The following PAG1 variants were observed in gnomAD, a reference collection of about 807,000 sequenced individuals.
PAG1 encodes phosphoprotein membrane anchor with glycosphingolipid microdomains 1.
In PAG1, 23 loss-of-function variants were observed where a neutral mutation model predicts 31.7. The observed-to-expected ratio is 0.73, with a 90% confidence interval of 0.52 to 1.03. The LOEUF is 1.03. Ranked by LOEUF, PAG1 falls within the 50% of genes least tolerant of loss-of-function variation. PAG1 has a pLI of 0.00. For missense variants in PAG1, 473 were observed against 540.7 expected, an observed-to-expected ratio of 0.87 and a Z score of 1.24; for synonymous variants, 214 against 210.3, an observed-to-expected ratio of 1.02 and a Z score of -0.15.
At chr8:80,992,643 T>C (rs746768826) in intron 4 of PAG1, among the ~76,000 whole-genome samples, 1 of 152,172 alleles carries the variant, frequency 6.6e-6, no homozygotes, top group Admixed American at 6.5e-5. Context: ...CCTTGGAAAA[T>C]AATCTGTTTC....
intron 8 of PAG1, among the ~76,000 whole-genome samples, chr8:80,977,117 C>A (rs1807202208): frequency 1.3e-5 from 2 of 152,152 alleles, no homozygotes; most frequent in South Asian, 4.1e-4. Flanking sequence ...CAGTCATATT[C>A]CCTTAATTCC....
chr8:81,022,885 T>C (rs1313627620), intron 3 of PAG1, among the ~76,000 whole-genome samples: 4 of 152,156 alleles, frequency 2.6e-5, no homozygotes, highest in Non-Finnish European at 4.4e-5. Flanking sequence ...GACTACCCCA[T>C]TGGCCTTTAA....
At position 81,056,330 on chromosome 8, in the gene PAG1, C is replaced by T. The variant is rs567562574; in HGVS notation, c.-175+13782G>A. Among the ~76,000 whole-genome samples the T allele has an allele frequency of 5.1e-4, 78 of 152,228 alleles. No homozygotes were observed. In the South Asian group the frequency reaches 0.016, roughly 31 times the overall value. On this transcript the variant is annotated intron_variant, in intron 2 of 8. Transcript: ENST00000220597. The stretch of plus-strand genomic sequence containing the variant: ...CCTGACTTCAAACTATACTACGAGG[C>T]TACAGTAACCAAAACAGCATGGTAC...
chr8:81,030,545 T>C (rs1808362161), intron 2 of PAG1, among the ~76,000 whole-genome samples: 1 of 152,216 alleles, frequency 6.6e-6, no homozygotes, highest in African/African-American at 2.4e-5. Flanking sequence ...GTTCTGAAAA[T>C]TTCTTATTAG....
At chr8:81,020,770 A>G (rs1053164094) in intron 3 of PAG1, among the ~76,000 whole-genome samples, 3 of 152,142 alleles carry the variant, frequency 2.0e-5, no homozygotes, top group African/African-American at 4.8e-5. Context: ...ATGATGGGTA[A>G]TCTTATGTTT....
At chr8:81,059,191 C>T (rs956331136) in intron 2 of PAG1, among the ~76,000 whole-genome samples, 20 of 151,958 alleles carry the variant, frequency 1.3e-4, no homozygotes, top group African/African-American at 2.4e-4. Context: ...ATTGTAAATG[C>T]TATGTAAGTA....
chr8:81,076,223 G>A (rs1188238013), intron 1 of PAG1, among the ~76,000 whole-genome samples: 1 of 152,226 alleles, frequency 6.6e-6, no homozygotes, highest in Non-Finnish European at 1.5e-5. Context: ...AATGTGTACA[G>A]AAGAAACAGA....
chr8:80,967,846 AACAAAG>A lies in PAG1; in HGVS notation c.*8692_*8697del, dbSNP rs1806994268. The stretch of plus-strand genomic sequence containing the variant: ...CTGACTTTTATTACAATTAAAAAAG[AACAAAG>A]ACAATTTGATAAGTGCCTTTAATTA... On this transcript the variant is annotated 3_prime_UTR_variant, in exon 9 of 9. Coordinates refer to ENST00000220597, the MANE Select transcript of PAG1 (RefSeq NM_018440.4). 2 of 146,758 alleles carry A rather than the reference AACAAAG, an allele frequency of 1.4e-5. No individual in the cohort carries two copies. The highest frequency in any genetic ancestry group is 1.3e-4 in the Admixed American group (2 of 15,098). 9.1% of individuals were successfully genotyped at this position (146,758 alleles called of 1,614,324 possible). A position where few individuals can be genotyped will look rare whatever the true frequency, so the allele number is the denominator to read the frequency against.
chr8:80,999,297 A>G (rs952505827), intron 3 of PAG1, among the ~76,000 whole-genome samples: 9 of 152,314 alleles, frequency 5.9e-5, no homozygotes, highest in Admixed American at 3.9e-4. Context: ...TTGCCTACAC[A>G]TGATTGTTAT....
intron 2 of PAG1, among the ~76,000 whole-genome samples, chr8:81,053,454 A>C (rs987028431): frequency 6.6e-6 from 1 of 152,254 alleles, no homozygotes; most frequent in African/African-American, 2.4e-5. Context: ...ACAGAGACAG[A>C]CCATAGTTAT....
chr8:81,104,789 T>C (rs942159711), intron 1 of PAG1, among the ~76,000 whole-genome samples: 2 of 152,130 alleles, frequency 1.3e-5, no homozygotes, highest in African/African-American at 4.8e-5. Flanking sequence ...CAAAAGCTTT[T>C]TTTGCACAGC....
At chr8:81,081,092 T>C (rs1288598039) in intron 1 of PAG1, among the ~76,000 whole-genome samples, 1 of 152,156 alleles carries the variant, frequency 6.6e-6, no homozygotes. Context: ...CTCAGTGTTC[T>C]TCTTTACAAT....
chr8:81,031,328 T>C (rs1004774780), intron 2 of PAG1, among the ~76,000 whole-genome samples: 4 of 152,240 alleles, frequency 2.6e-5, no homozygotes, highest in African/African-American at 9.6e-5. Context: ...GTCTTTCTGC[T>C]GTCAATCTCA....
rs1807086823 is a variant in PAG1, at chr8:80,971,965, G to A, written c.*4579C>T. 1 of 152,146 alleles carries A rather than the reference G, an allele frequency of 6.6e-6. No individual in the cohort carries two copies. The highest frequency in any genetic ancestry group is 1.5e-5 in the Non-Finnish European group (1 of 68,034). 9.4% of individuals were successfully genotyped at this position (152,146 alleles called of 1,614,324 possible). On this transcript the variant is annotated 3_prime_UTR_variant, in exon 9 of 9. Coordinates refer to ENST00000220597, the MANE Select transcript of PAG1 (RefSeq NM_018440.4). ...GATCTCTTTAAGTTAAACACTTTCAGTCTAAGTGTGTTCAACTGGCCTAAA... is the reference window on the plus strand; with the variant it reads ...GATCTCTTTAAGTTAAACACTTTCAATCTAAGTGTGTTCAACTGGCCTAAA...
intron 1 of PAG1, among the ~76,000 whole-genome samples, chr8:81,103,725 C>T (rs1388218742): frequency 1.3e-5 from 2 of 152,166 alleles, no homozygotes; most frequent in African/African-American, 4.8e-5. Context: ...GCTCAAAGGT[C>T]CAAACCCTCT....
chr8:81,049,928 T>C (rs1462914802), intron 2 of PAG1, among the ~76,000 whole-genome samples: 1 of 152,136 alleles, frequency 6.6e-6, no homozygotes, highest in African/African-American at 2.4e-5. Flanking sequence ...GTACCTACCA[T>C]ACAACAAACC....
intron 2 of PAG1, among the ~76,000 whole-genome samples, chr8:81,037,930 T>C (rs192724506): frequency 6.6e-6 from 1 of 152,370 alleles, no homozygotes; most frequent in Admixed American, 6.5e-5. Flanking sequence ...TTATAGAGCT[T>C]TGATTGTCTT....
chr8:80,982,006 C>T (rs1184644420), intron 7 of PAG1, among the ~76,000 whole-genome samples: 4 of 151,896 alleles, frequency 2.6e-5, no homozygotes, highest in Middle Eastern at 3.2e-3. Flanking sequence ...GCTGGGACTA[C>T]AGGTGCATAC....
intron 1 of PAG1, among the ~76,000 whole-genome samples, chr8:81,072,636 T>G (rs559511667): frequency 3.3e-4 from 50 of 152,326 alleles, no homozygotes; most frequent in African/African-American, 1.1e-3. Context: ...CCCAGGATTT[T>G]GAGGCTGCAG....
Sources: allele counts gnomAD v4.1 joint callset (sites outside exome capture counted in the v4.1 genomes callset), GRCh38; gene constraint gnomAD v4.1.1; transcripts MANE v1.5; gene names NCBI Gene and HGNC (gene_info 2026-07-23, HGNC 2026-07-21).